Variants in PCGF3 observed in about 807,000 individuals in gnomAD.
The protein encoded by PCGF3 is polycomb group RING finger protein 3.
A neutral mutation model predicts 33.1 loss-of-function variants in PCGF3; 7 were observed. That is an observed-to-expected ratio of 0.21 (90% CI 0.12 to 0.40). The LOEUF (loss-of-function observed/expected upper bound fraction) is 0.40. PCGF3 is among the 10% of genes least tolerant of loss of function. The pLI is 1.00. For missense variants in PCGF3, 211 were observed against 313.3 expected (o/e 0.67, Z 2.46); for synonymous variants, 153 against 121.3 (o/e 1.26, Z -1.72).
exon 11 of PCGF3, chr4:766,418 T>A (rs1745376426): frequency 4.5e-6 from 1 of 221,524 alleles, no homozygotes; most frequent in Non-Finnish European, 8.9e-6. Context: ...CTTGAAAATC[T>A]GAATTCACTT....
At position 743,597 on chromosome 4, in the gene PCGF3, C is replaced by T. The variant is rs142114814; in HGVS notation, c.373+13C>T. The T allele has an allele frequency of 5.1e-4, 760 of 1,487,904 alleles. 3 individuals are homozygous for T. The highest frequency in any genetic ancestry group is 2.2e-3 in the South Asian group (196 of 88,376). The allele number at this position is 1,487,904 out of a possible 1,614,324, so 92.2% of individuals were successfully genotyped here. A position where few individuals can be genotyped will look rare whatever the true frequency, so the allele number is the denominator to read the frequency against. ...TCCCATCGGAATGGTGAGTGCCCTG[C>T]GTGCCCATCCAGAAGCCCCGGGAAT... On this transcript the variant is annotated intron_variant, in intron 7 of 10. Transcript: ENST00000362003.
chr4:764,758 T>A, intron 9 of PCGF3: 1 of 520,754 alleles, frequency 1.9e-6, no homozygotes, highest in Non-Finnish European at 3.5e-6. Flanking sequence ...TAATATCTTA[T>A]ATGTTGCACT....
intron 1 of PCGF3, among the ~76,000 whole-genome samples, chr4:714,480 C>A (rs754485098): frequency 1.3e-4 from 20 of 152,238 alleles, no homozygotes; most frequent in Non-Finnish European, 2.9e-5. Context: ...GACCCTAGGA[C>A]GGTGGCACCT....
rs570528684 is a variant in PCGF3 at position 755,904 on chromosome 4, C to CTTTTTTT, written c.463-5353_463-5347dup. ...CTCATTTTTCTTCTTCAGAATTGTC[C>CTTTTTTT]TTTTTTTTTTTTTTTTTTTTTTTTT... On this transcript the variant is annotated intron_variant, in intron 8 of 10. Coordinates refer to ENST00000362003, the Ensembl canonical transcript of PCGF3. Among the ~76,000 whole-genome samples the CTTTTTTT allele has an allele frequency of 1.4e-4, 12 of 87,198 alleles. 2 individuals carry two copies. Among genetic ancestry groups the CTTTTTTT allele is most frequent in the Non-Finnish European group, 1.9e-4 (9 of 48,156 alleles). 57.2% of individuals were successfully genotyped at this position (87,198 alleles called of 152,430 possible). A position where few individuals can be genotyped will look rare whatever the true frequency, so the allele number is the denominator to read the frequency against.
At chr4:767,483 C>T (rs1745434012) in exon 11 of PCGF3, 1 of 152,228 alleles carries the variant, frequency 6.6e-6, no homozygotes, top group Non-Finnish European at 1.5e-5. Flanking sequence ...TCCCTCCACT[C>T]CTTGGGAGCC....
At chr4:739,944 C>A (rs1017755909) in intron 6 of PCGF3, among the ~76,000 whole-genome samples, 2 of 152,198 alleles carry the variant, frequency 1.3e-5, no homozygotes, top group African/African-American at 2.4e-5. Flanking sequence ...CCATATTTTC[C>A]GTTGAGTCAA....
intron 3 of PCGF3, among the ~76,000 whole-genome samples, chr4:733,302 C>T (rs146255462): frequency 5.6e-4 from 86 of 152,384 alleles, no homozygotes; most frequent in African/African-American, 2.0e-3. Flanking sequence ...GCTCTGCCTT[C>T]GCGGGCTCCT....
chr4:729,246 C>G (rs973539206), intron 1 of PCGF3, among the ~76,000 whole-genome samples: 5 of 151,314 alleles, frequency 3.3e-5, no homozygotes, highest in African/African-American at 1.2e-4. Flanking sequence ...GAGACCCTGT[C>G]TCTACTAAAA....
At chr4:741,008 G>C (rs1361426257) in intron 6 of PCGF3, among the ~76,000 whole-genome samples, 1 of 152,242 alleles carries the variant, frequency 6.6e-6, no homozygotes, top group Non-Finnish European at 1.5e-5. Flanking sequence ...AAGCCGCAGT[G>C]AACTCTGGAT....
intron 8 of PCGF3, among the ~76,000 whole-genome samples, chr4:754,491 G>C (rs1344156138): frequency 6.6e-6 from 1 of 152,238 alleles, no homozygotes; most frequent in African/African-American, 2.4e-5. Context: ...AGAGCCCCTG[G>C]AGGTAGAAGG....
At chr4:740,554 C>A (rs999591779) in intron 6 of PCGF3, among the ~76,000 whole-genome samples, 1 of 152,016 alleles carries the variant, frequency 6.6e-6, no homozygotes, top group Non-Finnish European at 1.5e-5. Context: ...ACTCACCAGT[C>A]CTCTTTCCAT....
chr4:767,615 T>G (rs1745439845), exon 11 of PCGF3: 1 of 152,188 alleles, frequency 6.6e-6, no homozygotes, highest in South Asian at 2.1e-4. Context: ...AGAGACCTTA[T>G]CTTAGGGATG....
At chr4:718,936 A>C (rs1290835166) in intron 1 of PCGF3, among the ~76,000 whole-genome samples, 1 of 151,414 alleles carries the variant, frequency 6.6e-6, no homozygotes, top group East Asian at 1.9e-4. Flanking sequence ...ATTGTTTTTC[A>C]TTTTCTTTTT....
rs186959543 is a variant in PCGF3, at chr4:747,958, C to G, written c.462+3270C>G. Among the ~76,000 whole-genome samples the G allele has an allele frequency of 1.1e-4, 16 of 152,226 alleles. 1 individual carries two copies. The highest frequency in any genetic ancestry group is 3.9e-4 in the African/African-American group (16 of 41,522). ...ATATAAAACATGGCAGGTCAGTGGCCGGCTCTGGCCTCAGCCCCATGGCCC... is the reference window on the plus strand; with the variant it reads ...ATATAAAACATGGCAGGTCAGTGGCGGGCTCTGGCCTCAGCCCCATGGCCC... On this transcript the variant is annotated intron_variant, in intron 8 of 10. Coordinates refer to ENST00000362003, the Ensembl canonical transcript of PCGF3.
chr4:752,724 GGCCCCC>G (rs1040738365), intron 8 of PCGF3, among the ~76,000 whole-genome samples: 3 of 152,326 alleles, frequency 2.0e-5, no homozygotes, highest in African/African-American at 7.2e-5. Flanking sequence ...TCCGGTTCCA[GGCCCCC>G]GGGGTCTTCC....
intron 10 of PCGF3, 105 bp from the exon 11 acceptor site, chr4:765,927 A>G (rs1029932784): frequency 5.1e-6 from 5 of 972,798 alleles, no homozygotes; most frequent in Admixed American, 1.7e-5. Context: ...CTGCATGTGG[A>G]CTGTGCCTCA....
At chr4:732,845 G>A (rs1386887707) in intron 3 of PCGF3, among the ~76,000 whole-genome samples, 1 of 152,242 alleles carries the variant, frequency 6.6e-6, no homozygotes, top group East Asian at 1.9e-4. Context: ...ACCAGCCTCC[G>A]CACGCGGAGC....
chr4:711,885 C>T (rs1033449982), intron 1 of PCGF3, among the ~76,000 whole-genome samples: 1 of 150,620 alleles, frequency 6.6e-6, no homozygotes, highest in Admixed American at 6.6e-5. Context: ...TGCTTGAACC[C>T]GGGAAGCGGA....
chr4:707,695 G>A (rs1173863829), intron 1 of PCGF3, among the ~76,000 whole-genome samples: 11 of 124,520 alleles, frequency 8.8e-5, no homozygotes, highest in African/African-American at 3.2e-4. Flanking sequence ...GTTTTCCCCT[G>A]GGGGCCGGGA....
Sources: allele counts gnomAD v4.1 joint callset (sites outside exome capture counted in the v4.1 genomes callset), GRCh38; gene constraint gnomAD v4.1.1; transcripts MANE v1.5; gene names NCBI Gene and HGNC (gene_info 2026-07-23, HGNC 2026-07-21).